Variants in ZNF354A observed in about 807,000 individuals in gnomAD.
ZNF354A encodes the protein zinc finger protein 354A.
Under a neutral mutation model 53.3 loss-of-function variants are expected in ZNF354A, and 25 were observed. That is an observed-to-expected ratio of 0.47 (90% CI 0.34 to 0.66). The LOEUF (loss-of-function observed/expected upper bound fraction) is 0.66, where lower values mean the gene tolerates loss of function less well. ZNF354A is among the 30% of genes least tolerant of loss of function. ZNF354A has a pLI of 0.01. For missense variants in ZNF354A, 586 were observed against 716.8 expected, an observed-to-expected ratio of 0.82 and a Z score of 2.08; for synonymous variants, 228 against 249.0, an observed-to-expected ratio of 0.92 and a Z score of 0.79.
chr5:178,714,781 C>T (rs977953752), intron 4 of ZNF354A, among the ~76,000 whole-genome samples: 7 of 151,996 alleles, frequency 4.6e-5, no homozygotes, highest in African/African-American at 1.7e-4. Flanking sequence ...TACAAATATG[C>T]ACATGTGTTA....
chr5:178,724,736 G>A (rs1315648220), intron 4 of ZNF354A, among the ~76,000 whole-genome samples: 1 of 152,116 alleles, frequency 6.6e-6, no homozygotes, highest in African/African-American at 2.4e-5. Flanking sequence ...CTCTGCTTAT[G>A]TGCACATTAC....
chr5:178,713,423 A>AT lies in ZNF354A; in HGVS notation c.454dup (p.Ile152AsnfsTer9), dbSNP rs756203863. 6.2e-7 allele frequency: 1 copy of AT among 1,612,678 alleles called. No individual in the cohort carries two copies. The highest frequency in any genetic ancestry group is 8.5e-7 in the Non-Finnish European group (1 of 1,179,780). Reference sequence around the variant, plus strand: ...TTTATGGCTTCTTTCTATAGTGGGGATTTTTTTGTGGGTGGCTGAAACTAT... The same window carrying AT: ...TTTATGGCTTCTTTCTATAGTGGGGATTTTTTTTGTGGGTGGCTGAAACTAT... On this transcript the variant is annotated frameshift_variant, in exon 5 of 5. Transcript: ENST00000335815. LOFTEE classifies it high-confidence loss of function.
rs1167012605 is a variant in ZNF354A at position 178,712,522 on chromosome 5, T to C, written c.1356A>G (p.Thr452=). 6.2e-7 allele frequency: 1 copy of C among 1,614,180 alleles called. No homozygotes were observed. Among genetic ancestry groups the C allele is most frequent in the Non-Finnish European group, 8.5e-7 (1 of 1,180,028 alleles). Residue 452 remains threonine (T), a synonymous_variant, in exon 5 of 5, where the codon ACA becomes ACG. Coordinates refer to ENST00000335815, the MANE Select transcript of ZNF354A (RefSeq NM_005649.3). ...ECGKALSSHS[T]LIIHERIHTG... ...TATGAATTCGCTCGTGAATAATAAG[T>C]GTTGAGTGGGAGCTTAAGGCTTTAC... is the stretch of plus-strand genomic sequence containing the variant.
intron 4 of ZNF354A, among the ~76,000 whole-genome samples, chr5:178,724,802 A>G (rs977275947): frequency 6.6e-6 from 1 of 152,164 alleles, no homozygotes; most frequent in African/African-American, 2.4e-5. Flanking sequence ...ATGCTCTGTA[A>G]CTTTTTGGGA....
intron 3 of ZNF354A, chr5:178,726,248 A>T (rs1312167708): frequency 2.2e-6 from 1 of 455,760 alleles, no homozygotes; most frequent in African/African-American, 2.0e-5. Flanking sequence ...AATGGTGGGA[A>T]AAAAAAAGAG....
At chr5:178,725,684 G>A (rs763070020) in intron 3 of ZNF354A, among the ~76,000 whole-genome samples, 1 of 152,106 alleles carries the variant, frequency 6.6e-6, no homozygotes, top group Non-Finnish European at 1.5e-5. Context: ...TTAATTATAG[G>A]TTAGGAAAAT....
At position 178,714,939 on chromosome 5, in the gene ZNF354A, G is replaced by A. The variant is rs148956182; in HGVS notation, c.257-1318C>T. Among the ~76,000 whole-genome samples, 93 of 152,354 alleles carry A rather than the reference G, an allele frequency of 6.1e-4. 1 individual carries two copies. Among genetic ancestry groups the A allele is most frequent in the African/African-American group, 2.2e-3 (93 of 41,590 alleles). On this transcript the variant is annotated intron_variant, in intron 4 of 4. Transcript: ENST00000335815. ...CAAGAGGTGCCACAAGACAGGCCTA[G>A]AGCCAAGAGGTGCAAGATAGGAAGG...
rs146479953 is a variant in ZNF354A, at chr5:178,714,204, C to T, written c.257-583G>A. 1.3e-3 allele frequency among the ~76,000 whole-genome samples: 201 copies of T among 152,134 alleles called. 1 individual carries two copies. The highest frequency in any genetic ancestry group is 4.5e-3 in the African/African-American group (185 of 41,524). ...ATTTTTAGTAGAGACAGGGTTTCACCGTGTTGGCCAGGCTGGCCTTGAACT... is the reference window on the plus strand; with the variant it reads ...ATTTTTAGTAGAGACAGGGTTTCACTGTGTTGGCCAGGCTGGCCTTGAACT... On this transcript the variant is annotated intron_variant, in intron 4 of 4. Transcript: ENST00000335815.
chr5:178,726,831 G>A (rs1412479931), intron 3 of ZNF354A, among the ~76,000 whole-genome samples, 168 bp downstream of exon 3: 1 of 152,210 alleles, frequency 6.6e-6, no homozygotes, highest in Non-Finnish European at 1.5e-5. Context: ...GCAATTTCAT[G>A]CCTATAAGGG....
At chr5:178,725,854 G>A (rs1007021268) in intron 3 of ZNF354A, among the ~76,000 whole-genome samples, 1 of 152,168 alleles carries the variant, frequency 6.6e-6, no homozygotes, top group African/African-American at 2.4e-5. Flanking sequence ...ATCTGACTCC[G>A]CTTTTTTTTT....
intron 4 of ZNF354A, 113 bp from the exon 5 acceptor site, chr5:178,713,734 A>AT: frequency 7.6e-7 from 1 of 1,315,942 alleles, no homozygotes. Flanking sequence ...AGACCCTGAT[A>AT]TCTGTATGAA....
At chr5:178,718,186 TTGTGGATA>T (rs1420621559) in intron 4 of ZNF354A, among the ~76,000 whole-genome samples, 1 of 152,196 alleles carries the variant, frequency 6.6e-6, no homozygotes, top group Admixed American at 6.5e-5. Context: ...AAGTTTTGGA[TTGTGGATA>T]TCCTGACTCT....
chr5:178,726,874 C>G, intron 3 of ZNF354A, 125 bp downstream of exon 3: 1 of 1,375,502 alleles, frequency 7.3e-7, no homozygotes, highest in Non-Finnish European at 9.8e-7. Flanking sequence ...TTATAAAGAT[C>G]TGATTTGTAC....
At chr5:178,725,988 C>T (rs1227983234) in intron 3 of ZNF354A, 5 of 320,822 alleles carry the variant, frequency 1.6e-5, no homozygotes, top group Non-Finnish European at 3.1e-5. Context: ...GCGGGGACTA[C>T]AGGAACATGC....
intron 4 of ZNF354A, among the ~76,000 whole-genome samples, chr5:178,723,542 T>C (rs940974467): frequency 1.3e-5 from 2 of 152,222 alleles, no homozygotes; most frequent in African/African-American, 4.8e-5. Flanking sequence ...CTTCAGTCCT[T>C]TGATCCCAGG....
intron 3 of ZNF354A, among the ~76,000 whole-genome samples, chr5:178,726,466 T>G (rs1765909972): frequency 6.6e-6 from 1 of 151,852 alleles, no homozygotes; most frequent in African/African-American, 2.4e-5. Context: ...CCCAGCTAAT[T>G]TTTTTTGTGT....
intron 1 of ZNF354A, among the ~76,000 whole-genome samples, chr5:178,729,637 C>G (rs1168375057): frequency 6.6e-6 from 1 of 151,792 alleles, no homozygotes; most frequent in Non-Finnish European, 1.5e-5. Flanking sequence ...CGGCTCACTG[C>G]AAGCTCTGCC....
intron 4 of ZNF354A, among the ~76,000 whole-genome samples, chr5:178,724,413 C>T (rs1765867835): frequency 6.6e-6 from 1 of 151,922 alleles, no homozygotes; most frequent in Non-Finnish European, 1.5e-5. Flanking sequence ...TTAGTAGAGG[C>T]AGGGTTTTGC....
rs1447909768 is a variant in ZNF354A, at chr5:178,730,256, C to T, written c.-52+300G>A. On this transcript the variant is annotated intron_variant, in intron 1 of 4. Coordinates refer to ENST00000335815, the MANE Select transcript of ZNF354A (RefSeq NM_005649.3). ...GGACTCGGAAACCGGGGCCCGGCTGCGTCCGCCCTGCCCTCGGGGTCCCGG... is the reference window on the plus strand; with the variant it reads ...GGACTCGGAAACCGGGGCCCGGCTGTGTCCGCCCTGCCCTCGGGGTCCCGG... Among the ~76,000 whole-genome samples the T allele has an allele frequency of 3.3e-5, 5 of 152,036 alleles. No individual in the cohort carries two copies. The East Asian group carries it at 7.8e-4, about 24-fold the overall frequency.
Sources: gnomAD v4.1 joint callset for allele counts (sites outside exome capture counted in the v4.1 genomes callset) on GRCh38, gnomAD v4.1.1 for gene constraint, MANE v1.5 for transcripts, NCBI Gene and HGNC (gene_info 2026-07-23, HGNC 2026-07-21) for gene names.